COL13A1: variants seen among roughly 807,000 people sequenced by gnomAD.
COL13A1 encodes the protein collagen type XIII alpha 1 chain.
A neutral mutation model predicts 130.9 loss-of-function variants in COL13A1; 89 were observed. The observed-to-expected ratio is 0.68, with a 90% CI of 0.57 to 0.81. COL13A1 has a LOEUF of 0.81. Among genes scored for constraint, COL13A1 ranks in the 30% least tolerant of loss-of-function variants. The pLI is 0.00. For synonymous variants in COL13A1, 402 were observed against 341.6 expected, an observed-to-expected ratio of 1.18 and a Z score of -1.95; for missense variants, 879 against 934.6, an observed-to-expected ratio of 0.94 and a Z score of 0.78.
intron 40 of COL13A1, 138 bp from the exon 41 acceptor site, chr10:69,958,561 G>A (rs1471678361): frequency 7.5e-7 from 1 of 1,338,170 alleles, no homozygotes; most frequent in East Asian, 2.4e-5. Flanking sequence ...TTCACCTAGG[G>A]GCTCAGGGTT....
At chr10:69,898,306 G>A (rs1456705511) in intron 13 of COL13A1, among the ~76,000 whole-genome samples, 1 of 152,200 alleles carries the variant, frequency 6.6e-6, no homozygotes, top group Non-Finnish European at 1.5e-5. Flanking sequence ...TGCAACGTTG[G>A]GCTGTGTGTC....
chr10:69,853,518 C>A (rs1287964145), intron 2 of COL13A1, among the ~76,000 whole-genome samples: 1 of 152,140 alleles, frequency 6.6e-6, no homozygotes, highest in East Asian at 1.9e-4. Flanking sequence ...CATATGAGGT[C>A]AACGCAAGTA....
At chr10:69,907,239 C>A (rs1161233964) in intron 17 of COL13A1, among the ~76,000 whole-genome samples, 2 of 152,164 alleles carry the variant, frequency 1.3e-5, no homozygotes, top group Non-Finnish European at 1.5e-5. Flanking sequence ...TATTTTTAGC[C>A]CTAAAACCAC....
Position 69,842,743 on chromosome 10 carries a change from G to C in COL13A1, c.364+20305G>C, listed in dbSNP as rs548494721. On this transcript the variant is annotated intron_variant, in intron 2 of 40. Transcript: ENST00000645393. ...GGCCTCAGTGTGCTGTCAGGGGCCA[G>C]AGTCAGCACCAGCACCCAACAGATG... Among the ~76,000 whole-genome samples, 7 of 152,340 alleles carry C rather than the reference G, an allele frequency of 4.6e-5. No homozygotes were observed. In the South Asian group the frequency reaches 1.2e-3, roughly 27 times the overall value.
At chr10:69,890,404 C>T (rs2061055556) in intron 10 of COL13A1, among the ~76,000 whole-genome samples, 1 of 152,250 alleles carries the variant, frequency 6.6e-6, no homozygotes, top group South Asian at 2.1e-4. Context: ...TGCATTTCTG[C>T]CTCCTAAGAT....
Position 69,958,631 on chromosome 10 carries a change from T to C in COL13A1, c.2185-68T>C. On this transcript the variant is annotated intron_variant, in intron 40 of 40. Transcript: ENST00000645393. ...CCAGGACAAGATTTACCTCCCTTCC[T>C]ACAAAGGAAATAAACCTCTGCAGAC... The C allele has an allele frequency of 5.0e-6, 8 of 1,611,738 alleles. No individual in the cohort carries two copies. The South Asian group carries it at 7.7e-5, about 16-fold the overall frequency.
At chr10:69,889,618 A>G (rs919266232) in intron 10 of COL13A1, among the ~76,000 whole-genome samples, 178 bp downstream of exon 10, 1 of 152,172 alleles carries the variant, frequency 6.6e-6, no homozygotes, top group Non-Finnish European at 1.5e-5. Context: ...TGCAGGGAGG[A>G]GAAATGGGCA....
chr10:69,844,716 A>G (rs2133338335), intron 2 of COL13A1, among the ~76,000 whole-genome samples: 1 of 152,342 alleles, frequency 6.6e-6, no homozygotes, highest in East Asian at 1.9e-4. Flanking sequence ...GTAGGACTTA[A>G]AAGTTCCTAA....
At chr10:69,918,234 G>T in intron 18 of COL13A1, 51 bp from the exon 19 acceptor site, 1 of 1,579,770 alleles carries the variant, frequency 6.3e-7, no homozygotes. Flanking sequence ...GCCCCCTGCT[G>T]CCCCCTCGCT....
chr10:69,941,054 C>G, intron 35 of COL13A1, 31 bp downstream of exon 35: 1 of 1,613,640 alleles, frequency 6.2e-7, no homozygotes, highest in Non-Finnish European at 8.5e-7. Flanking sequence ...ACCCCTCACC[C>G]CACTCCACTC....
In COL13A1 at chr10:69,919,402, T is replaced by C. The variant is rs373050409; in HGVS notation, c.1027-263T>C. The stretch of plus-strand genomic sequence containing the variant: ...GTGACAAGAAAAAAAGTTTGAGAAA[T>C]GCTAGGTTAGAAATATTACACAGGT... On this transcript the variant is annotated intron_variant, in intron 20 of 40. Transcript: ENST00000645393. 9.8e-5 allele frequency among the ~76,000 whole-genome samples: 15 copies of C among 152,366 alleles called. No homozygotes were observed. The East Asian group carries it at 2.7e-3, about 27-fold the overall frequency.
chr10:69,929,040 G>A (rs1378856806), intron 28 of COL13A1, 41 bp downstream of exon 28: 5 of 1,526,564 alleles, frequency 3.3e-6, no homozygotes, highest in Non-Finnish European at 4.5e-6. Flanking sequence ...ACTTTGCAAG[G>A]GCATCGACCC....
At chr10:69,854,374 T>C (rs1427675765) in intron 2 of COL13A1, among the ~76,000 whole-genome samples, 1 of 152,134 alleles carries the variant, frequency 6.6e-6, no homozygotes, top group African/African-American at 2.4e-5. Flanking sequence ...AAGACCAGCC[T>C]AGGCAACACG....
chr10:69,893,555 C>T (rs1009517177), intron 10 of COL13A1, among the ~76,000 whole-genome samples: 2 of 152,234 alleles, frequency 1.3e-5, no homozygotes, highest in East Asian at 1.9e-4. Context: ...GATGGACCCA[C>T]CCTTGGGGAT....
intron 18 of COL13A1, among the ~76,000 whole-genome samples, chr10:69,917,595 T>C (rs1018719488): frequency 6.6e-6 from 1 of 151,778 alleles, no homozygotes; most frequent in Non-Finnish European, 1.5e-5. Flanking sequence ...AAGTGGAGAG[T>C]AGGGGCCCCC....
intron 17 of COL13A1, among the ~76,000 whole-genome samples, chr10:69,917,070 G>A (rs1336642075): frequency 1.3e-5 from 2 of 152,084 alleles, no homozygotes; most frequent in Non-Finnish European, 2.9e-5. Flanking sequence ...CTGTCTGGGG[G>A]CCTTTCCTGC....
At chr10:69,957,174 G>C (rs776515681) in intron 40 of COL13A1, 132 bp downstream of exon 40, 5 of 755,028 alleles carry the variant, frequency 6.6e-6, no homozygotes, top group Admixed American at 2.1e-5. Context: ...TCAAAGGCAG[G>C]GTGCCCATTA....
At chr10:69,910,635 C>T (rs1043833058) in intron 17 of COL13A1, among the ~76,000 whole-genome samples, 3 of 152,240 alleles carry the variant, frequency 2.0e-5, no homozygotes, top group African/African-American at 7.2e-5. Flanking sequence ...CAGTCAGGGC[C>T]AGCCCTCCTG....
In COL13A1 at chr10:69,902,998, G is replaced by A. The variant is rs1476728162; in HGVS notation, c.858+143G>A. The stretch of plus-strand genomic sequence containing the variant: ...TGGATGTGGGTGAACCATGCAAGGG[G>A]CTATTCATCCCCATCACACTCACCA... On this transcript the variant is annotated intron_variant, in intron 15 of 40. Transcript: ENST00000645393. The A allele has an allele frequency of 5.0e-6, 3 of 594,668 alleles. No individual in the cohort carries two copies. The African/African-American group carries it at 5.7e-5, about 11-fold the overall frequency. 36.8% of individuals were successfully genotyped at this position (594,668 alleles called of 1,614,324 possible).
Sources: allele counts gnomAD v4.1 joint callset (sites outside exome capture counted in the v4.1 genomes callset), GRCh38; gene constraint gnomAD v4.1.1; transcripts MANE v1.5; gene names NCBI Gene and HGNC (gene_info 2026-07-23, HGNC 2026-07-21).